The following PUDP variants were observed in gnomAD, a reference collection of about 807,000 sequenced individuals.
PUDP encodes pseudouridine-5'-phosphatase.
A neutral mutation model predicts 9.4 loss-of-function variants in PUDP; 8 were observed. The ratio of observed to expected loss-of-function variants is 0.85; its 90% CI spans 0.50 to 1.53. The LOEUF (loss-of-function observed/expected upper bound fraction) is 1.53. Ranked by LOEUF, PUDP falls within the 40% of genes most tolerant of loss-of-function variation. PUDP has a pLI of 0.00. For synonymous variants in PUDP, 99 were observed against 80.7 expected (o/e 1.23, Z -1.22); for missense variants, 188 against 189.7 (o/e 0.99, Z 0.05).
intron 1 of PUDP, among the ~76,000 whole-genome samples, chrX:7,027,146 G>A (rs1271516308): frequency 9.0e-6 from 1 of 111,241 alleles, no homozygotes; most frequent in East Asian, 2.8e-4. Context: ...AGCTTGCACA[G>A]CGTCTCATGC....
chrX:6,976,493 G>A (rs1016073505), intron 3 of PUDP, among the ~76,000 whole-genome samples: 2 of 111,705 alleles, frequency 1.8e-5, no homozygotes, highest in Non-Finnish European at 3.8e-5. Flanking sequence ...GTGAGGCAAC[G>A]CCCCACCCTG....
At chrX:6,729,144 C>T (rs189556167) in intron 3 of PUDP, among the ~76,000 whole-genome samples, 7 of 111,659 alleles carry the variant, frequency 6.3e-5, no homozygotes, top group Admixed American at 5.7e-4. Context: ...AAAATGACTA[C>T]GCTAAAGGGA....
downstream of PUDP, among the ~76,000 whole-genome samples, chrX:7,044,184 G>A (rs1295541695): frequency 8.9e-6 from 1 of 112,593 alleles, no homozygotes; most frequent in Non-Finnish European, 1.9e-5. Context: ...AAGTAATGAG[G>A]GAGCCGTTTC....
intron 3 of PUDP, among the ~76,000 whole-genome samples, chrX:6,752,515 G>A (rs765975431): frequency 8.1e-5 from 9 of 111,706 alleles, no homozygotes; most frequent in Non-Finnish European, 1.3e-4. Context: ...TAATAACTAG[G>A]AAACTGTAGA....
At chrX:7,018,662 CA>C (rs1298502733) in intron 1 of PUDP, among the ~76,000 whole-genome samples, 1 of 112,231 alleles carries the variant, frequency 8.9e-6, no homozygotes, top group East Asian at 2.8e-4. Context: ...TTGATAAATG[CA>C]AAAATGCTAA....
chrX:7,078,241 C>T (rs1435631818), intron 2 of PUDP, among the ~76,000 whole-genome samples: 1 of 112,427 alleles, frequency 8.9e-6, no homozygotes, highest in Non-Finnish European at 1.9e-5. Flanking sequence ...TTAACTTATG[C>T]GACTAGCACA....
chrX:6,977,219 G>A (rs1266115021), exon 3 of PUDP, among the ~76,000 whole-genome samples: 3 of 111,570 alleles, frequency 2.7e-5, no homozygotes, highest in Non-Finnish European at 5.6e-5. Flanking sequence ...ATCTCACAAC[G>A]GGGACCAGAG....
At chrX:6,838,065 G>C (rs909851934) in intron 3 of PUDP, among the ~76,000 whole-genome samples, 5 of 111,972 alleles carry the variant, frequency 4.5e-5, no homozygotes, top group African/African-American at 1.6e-4. Context: ...CCTGTTGCCA[G>C]AGATCCATGT....
At chrX:6,733,959 C>T (rs1005787080) in intron 3 of PUDP, among the ~76,000 whole-genome samples, 113 of 108,433 alleles carry the variant, frequency 1.0e-3, no homozygotes, top group Non-Finnish European at 3.6e-4. Flanking sequence ...CATATTTTTA[C>T]TAGAGACAGG....
intron 1 of PUDP, among the ~76,000 whole-genome samples, chrX:6,986,373 T>C (rs919045663): frequency 5.4e-5 from 6 of 111,624 alleles, no homozygotes; most frequent in African/African-American, 2.0e-4. Context: ...CAGCGGGACC[T>C]TTCACGTTCA....
chrX:6,988,076 G>T (rs968289939), intron 1 of PUDP, among the ~76,000 whole-genome samples: 1 of 112,182 alleles, frequency 8.9e-6, no homozygotes, highest in Non-Finnish European at 1.9e-5. Context: ...AATGCAGGAA[G>T]AGGGGAAAAA....
At chrX:6,946,832 C>T (rs1928471450) in intron 3 of PUDP, among the ~76,000 whole-genome samples, 1 of 111,965 alleles carries the variant, frequency 8.9e-6, no homozygotes, top group Non-Finnish European at 1.9e-5. Flanking sequence ...AAACATGAAT[C>T]ATTCCAGTGG....
intron 1 of PUDP, among the ~76,000 whole-genome samples, chrX:6,986,216 T>C: frequency 8.9e-6 from 1 of 112,154 alleles, no homozygotes; most frequent in South Asian, 3.8e-4. Context: ...AGAGTAGCCA[T>C]TCTTTTATTC....
chrX:6,997,972 A>G (rs1000696143), intron 1 of PUDP, among the ~76,000 whole-genome samples: 5 of 112,289 alleles, frequency 4.5e-5, no homozygotes, highest in Admixed American at 2.8e-4. Context: ...CACTGGACTG[A>G]TAAGTACAAG....
At chrX:6,737,150 A>T (rs1924881912) in intron 3 of PUDP, among the ~76,000 whole-genome samples, 1 of 111,193 alleles carries the variant, frequency 9.0e-6, no homozygotes, top group Non-Finnish European at 1.9e-5. Context: ...AAGGAAGGCC[A>T]GCTACCACCA....
chrX:7,146,278 A>G (rs1006741165), intron 1 of PUDP, among the ~76,000 whole-genome samples: 1 of 112,036 alleles, frequency 8.9e-6, no homozygotes, highest in African/African-American at 3.2e-5. Context: ...GGGCATGGCT[A>G]TGTGTGAATC....
chrX:7,057,656 A>G, intron 3 of PUDP: 1 of 1,139,019 alleles, frequency 8.8e-7, no homozygotes, highest in Non-Finnish European at 1.2e-6. Context: ...GGGACACCCA[A>G]GTAGAAGGCT....
intron 3 of PUDP, among the ~76,000 whole-genome samples, chrX:6,855,930 C>A (rs893814318): frequency 9.0e-6 from 1 of 111,103 alleles, no homozygotes; most frequent in Non-Finnish European, 1.9e-5. Context: ...TCAGTTCTTG[C>A]CAGATATTTA....
rs184401427 is a variant in PUDP at position 6,922,664 on chromosome X, C to T, written c.*247+54469G>A. Among the ~76,000 whole-genome samples, 1,041 of 111,789 alleles carry T rather than the reference C, an allele frequency of 9.3e-3. 11 individuals carry two copies. The highest frequency in any genetic ancestry group is 0.016 in the Admixed American group (165 of 10,520). On this transcript the variant is annotated intron_variant and NMD_transcript_variant, in intron 3 of 3. Transcript: ENST00000655425. ...TCTCAGCTTACAATGTTGACTTCTG[C>T]TCTGACTTCACAGAAAGAAATGGAA...
Sources: gnomAD v4.1 joint callset for allele counts (sites outside exome capture counted in the v4.1 genomes callset) on GRCh38, gnomAD v4.1.1 for gene constraint, MANE v1.5 for transcripts, NCBI Gene and HGNC (gene_info 2026-07-23, HGNC 2026-07-21) for gene names.